Variants in RBPMS observed in about 807,000 individuals in gnomAD.
RBPMS encodes the protein RNA binding protein, mRNA processing factor, also known as RNA-binding protein with multiple splicing.
In RBPMS, 7 loss-of-function variants were observed where a neutral mutation model predicts 26.8. The ratio of observed to expected loss-of-function variants is 0.26; its 90% CI spans 0.15 to 0.49. RBPMS has a LOEUF of 0.49. Among genes scored for constraint, RBPMS ranks in the 20% least tolerant of loss-of-function variants. The pLI is 0.98. For missense variants in RBPMS, 186 were observed against 250.0 expected, an observed-to-expected ratio of 0.74 and a Z score of 1.73; for synonymous variants, 96 against 93.3, an observed-to-expected ratio of 1.03 and a Z score of -0.17.
chr8:30,482,841 A>C (rs1228864504), intron 4 of RBPMS, among the ~76,000 whole-genome samples: 3 of 152,174 alleles, frequency 2.0e-5, no homozygotes, highest in Admixed American at 1.3e-4. Flanking sequence ...TTCCAAGCTA[A>C]AGGAAGGGGG....
At chr8:30,432,321 T>G (rs1230871299) in intron 1 of RBPMS, among the ~76,000 whole-genome samples, 3 of 152,218 alleles carry the variant, frequency 2.0e-5, no homozygotes, top group Admixed American at 6.5e-5. Context: ...GATGGAAGAC[T>G]GCAGACAAGT....
At chr8:30,429,735 A>T (rs1811727543) in intron 1 of RBPMS, among the ~76,000 whole-genome samples, 1 of 152,188 alleles carries the variant, frequency 6.6e-6, no homozygotes, top group South Asian at 2.1e-4. Flanking sequence ...GCAGCCCAAT[A>T]AATTGTGCTA....
rs1563326410 is a variant in RBPMS, at chr8:30,446,842, T to TCAC, written c.67-27937_67-27936insCAC. 532 of 65,580 alleles carry TCAC rather than the reference T, an allele frequency of 8.1e-3. 8 individuals carry two copies. Among genetic ancestry groups the TCAC allele is most frequent in the African/African-American group, 0.027 (495 of 18,190 alleles). 4.1% of individuals were successfully genotyped at this position (65,580 alleles called of 1,614,324 possible). On this transcript the variant is annotated intron_variant, in intron 1 of 8. Coordinates refer to ENST00000397323, the MANE Select transcript of RBPMS (RefSeq NM_001008710.3). Reference sequence around the variant, plus strand: ...GTGTGTGTGTGTGTGTGTGTGTGTGTGCGCGCGCGCGCGCGCGGTGGAGGG... The same window carrying TCAC: ...GTGTGTGTGTGTGTGTGTGTGTGTGTCACGCGCGCGCGCGCGCGCGGTGGAGGG...
chr8:30,470,928 A>G (rs1817027100), intron 1 of RBPMS, among the ~76,000 whole-genome samples: 1 of 152,204 alleles, frequency 6.6e-6, no homozygotes, highest in Non-Finnish European at 1.5e-5. Flanking sequence ...TGGAATATTT[A>G]CATAAGAAAG....
rs144237883 is a variant in RBPMS at position 30,409,270 on chromosome 8, C to T, written c.66+24112C>T. On this transcript the variant is annotated intron_variant, in intron 1 of 8. Transcript: ENST00000397323. ...GTGCAATGGTGTGATCTCAGCTCACCGCAACTTCTGCCTCCTGGGTTCAAG... is the reference window on the plus strand; with the variant it reads ...GTGCAATGGTGTGATCTCAGCTCACTGCAACTTCTGCCTCCTGGGTTCAAG... 6.6e-3 allele frequency among the ~76,000 whole-genome samples: 1,009 copies of T among 151,830 alleles called. 14 individuals are homozygous for T. Among genetic ancestry groups the T allele is most frequent in the African/African-American group, 0.023 (965 of 41,368 alleles).
chr8:30,546,861 TGGAG>T (rs1162680724), intron 6 of RBPMS, among the ~76,000 whole-genome samples: 6 of 152,236 alleles, frequency 3.9e-5, no homozygotes, highest in Non-Finnish European at 5.9e-5. Flanking sequence ...CCTGAGAAGA[TGGAG>T]GGAGTTACCC....
chr8:30,475,810 C>T (rs1232345047), intron 2 of RBPMS, among the ~76,000 whole-genome samples: 3 of 152,126 alleles, frequency 2.0e-5, no homozygotes, highest in Non-Finnish European at 2.9e-5. Context: ...GCCAAGAGGG[C>T]ACCATGTCAT....
intron 4 of RBPMS, among the ~76,000 whole-genome samples, chr8:30,481,273 T>G (rs1355167252): frequency 6.6e-6 from 1 of 152,142 alleles, no homozygotes; most frequent in African/African-American, 2.4e-5. Context: ...GCCTGAAGTT[T>G]TTTGCTTGTT....
chr8:30,531,072 G>A (rs1251008566), intron 5 of RBPMS, among the ~76,000 whole-genome samples: 2 of 151,716 alleles, frequency 1.3e-5, no homozygotes, highest in Non-Finnish European at 2.9e-5. Flanking sequence ...GGCTATAATA[G>A]TGGACCATTT....
chr8:30,390,803 C>T (rs984862637), intron 1 of RBPMS, among the ~76,000 whole-genome samples: 2 of 152,140 alleles, frequency 1.3e-5, no homozygotes, highest in Non-Finnish European at 2.9e-5. Flanking sequence ...CAATGTTCAA[C>T]ACCTACCCCA....
At chr8:30,410,512 A>C (rs945868096) in intron 1 of RBPMS, among the ~76,000 whole-genome samples, 6 of 151,846 alleles carry the variant, frequency 4.0e-5, no homozygotes, top group Non-Finnish European at 5.9e-5. Context: ...CTGGCCAACT[A>C]CTACTCTTTT....
intron 5 of RBPMS, among the ~76,000 whole-genome samples, chr8:30,516,527 T>C (rs1167921233): frequency 6.6e-6 from 1 of 152,248 alleles, no homozygotes; most frequent in Non-Finnish European, 1.5e-5. Context: ...CAGCCGTTCA[T>C]ATAGTACCTC....
At chr8:30,411,196 G>A (rs1176874114) in intron 1 of RBPMS, among the ~76,000 whole-genome samples, 2 of 152,190 alleles carry the variant, frequency 1.3e-5, no homozygotes, top group Non-Finnish European at 2.9e-5. Flanking sequence ...CTTGGGAAAA[G>A]CACTTCTCAC....
intron 1 of RBPMS, among the ~76,000 whole-genome samples, chr8:30,407,696 A>G (rs747707113): frequency 2.9e-5 from 1 of 34,032 alleles, no homozygotes; most frequent in Non-Finnish European, 6.1e-5. Flanking sequence ...TACTATTCAC[A>G]TCACTGGGTG....
At chr8:30,488,147 T>C (rs1818993682) in intron 4 of RBPMS, among the ~76,000 whole-genome samples, 1 of 152,200 alleles carries the variant, frequency 6.6e-6, no homozygotes, top group Non-Finnish European at 1.5e-5. Context: ...ATCAGTCATA[T>C]GTAAATGAAT....
intron 4 of RBPMS, among the ~76,000 whole-genome samples, chr8:30,491,762 ATAG>A: frequency 6.6e-6 from 1 of 152,322 alleles, no homozygotes; most frequent in Admixed American, 6.5e-5. Flanking sequence ...GAAAGTTAAG[ATAG>A]GTCCTCAAAT....
At chr8:30,481,142 A>C (rs1818226598) in intron 4 of RBPMS, among the ~76,000 whole-genome samples, 1 of 152,274 alleles carries the variant, frequency 6.6e-6, no homozygotes, top group Non-Finnish European at 1.5e-5. Flanking sequence ...TTTGTTAAAG[A>C]ATAAAGACAT....
intron 1 of RBPMS, among the ~76,000 whole-genome samples, chr8:30,459,406 C>G (rs1421933757): frequency 6.6e-6 from 1 of 152,120 alleles, no homozygotes; most frequent in Non-Finnish European, 1.5e-5. Flanking sequence ...CAGGCATGAA[C>G]ACTGTGCCCA....
At chr8:30,468,984 C>G (rs1364406622) in intron 1 of RBPMS, among the ~76,000 whole-genome samples, 5 of 152,168 alleles carry the variant, frequency 3.3e-5, no homozygotes, top group Non-Finnish European at 4.4e-5. Context: ...AGAGGAACCT[C>G]AAGAGCCCAG....
Sources: allele counts gnomAD v4.1 joint callset (sites outside exome capture counted in the v4.1 genomes callset), GRCh38; gene constraint gnomAD v4.1.1; transcripts MANE v1.5; gene names NCBI Gene and HGNC (gene_info 2026-07-23, HGNC 2026-07-21).